CALB2: variants seen among roughly 807,000 people sequenced by gnomAD.
The protein encoded by CALB2 is calretinin.
Under a neutral mutation model 45.9 loss-of-function variants are expected in CALB2, and 34 were observed. The observed-to-expected ratio is 0.74, with a 90% confidence interval of 0.56 to 0.99. The LOEUF (loss-of-function observed/expected upper bound fraction) is 0.99, where lower values mean the gene tolerates loss of function less well. CALB2 is among the 50% of genes least tolerant of loss of function. The pLI, the probability that CALB2 is intolerant of heterozygous loss-of-function variation, is 0.00. For missense variants in CALB2, 344 were observed against 339.3 expected (o/e 1.01, Z -0.11); for synonymous variants, 142 against 129.6 (o/e 1.10, Z -0.65).
intron 4 of CALB2, among the ~76,000 whole-genome samples, chr16:71,379,271 T>TAATAAATAAATA (rs71153630): frequency 4.8e-5 from 7 of 145,494 alleles, no homozygotes; most frequent in African/African-American, 1.0e-4. Context: ...AGACTCTGTC[T>TAATAAATAAATA]AATAAATAAA....
intron 4 of CALB2, among the ~76,000 whole-genome samples, chr16:71,379,580 C>T (rs4630548): frequency 0.36 from 55,326 of 152,076 alleles, 10,575 homozygotes; most frequent in Admixed American, 0.5. Context: ...GCATATGCAT[C>T]CCTCAGAGTG....
chr16:71,371,763 C>A (rs1287099405), intron 1 of CALB2, among the ~76,000 whole-genome samples: 2 of 152,142 alleles, frequency 1.3e-5, no homozygotes, highest in Non-Finnish European at 2.9e-5. Context: ...GCACTCCAAC[C>A]CGCTACACCT....
intron 4 of CALB2, among the ~76,000 whole-genome samples, chr16:71,382,289 T>G (rs1031362512): frequency 2.6e-5 from 4 of 152,208 alleles, no homozygotes; most frequent in Non-Finnish European, 5.9e-5. Flanking sequence ...TCCCCTCCCC[T>G]GCACCACTGC....
intron 1 of CALB2, among the ~76,000 whole-genome samples, chr16:71,369,573 C>A (rs532340889): frequency 1.3e-5 from 2 of 152,182 alleles, no homozygotes; most frequent in African/African-American, 4.8e-5. Flanking sequence ...CAGCCACCTC[C>A]CGATACACTC....
chr16:71,381,212 GAA>G (rs2042487698), intron 4 of CALB2, among the ~76,000 whole-genome samples: 1 of 152,208 alleles, frequency 6.6e-6, no homozygotes, highest in Non-Finnish European at 1.5e-5. Flanking sequence ...AGTTGTTGGT[GAA>G]GTCATATTTG....
chr16:71,388,786 G>C (rs1182244254), intron 10 of CALB2, among the ~76,000 whole-genome samples: 1 of 150,414 alleles, frequency 6.6e-6, no homozygotes, highest in Non-Finnish European at 1.5e-5. Context: ...TTCGAAACCA[G>C]CCTGGCCAAC....
In CALB2 at chr16:71,377,647, C is replaced by T. The variant is rs762996634; in HGVS notation, c.262-20C>T. ...TCAAGTCCCTCCATAACGTTAGTGT[C>T]GCTCTCTGTATCTTCACAGCTGGCG... On this transcript the variant is annotated intron_variant, in intron 3 of 10. Transcript: ENST00000302628. 42 of 1,588,256 alleles carry T rather than the reference C, an allele frequency of 2.6e-5. No individual in the cohort carries two copies. Among genetic ancestry groups the T allele is most frequent in the Non-Finnish European group, 3.3e-5 (38 of 1,157,210 alleles).
chr16:71,366,804 C>G (rs1340381926), intron 1 of CALB2, among the ~76,000 whole-genome samples: 1 of 152,172 alleles, frequency 6.6e-6, no homozygotes, highest in Admixed American at 6.5e-5. Context: ...CACAACATTA[C>G]CTTGTACAGC....
In CALB2 at chr16:71,383,382, C is replaced by A; in HGVS notation, c.415C>A (p.Leu139Met). ...TGTGTTGCAGGGATTCCTGTCAGAC[C>A]TGCTGAAGAAGGCGAACCGGCCGTA... is the stretch of plus-strand genomic sequence containing the variant. ...ANELKGFLSD[L>M]LKKANRPYDE... is the part of the protein sequence containing the mutation. The change falls in exon 6 of 11, where the codon CTG becomes ATG. Residue 139 changes from leucine (L) to methionine (M), a missense_variant. Leu to Met is a conservative substitution (Grantham distance 15). Coordinates refer to ENST00000302628, the MANE Select transcript of CALB2 (RefSeq NM_001740.5). 1 of 1,614,130 alleles carries A rather than the reference C, an allele frequency of 6.2e-7. No individual in the cohort carries two copies. The highest frequency in any genetic ancestry group is 8.5e-7 in the Non-Finnish European group (1 of 1,180,002).
intron 10 of CALB2, among the ~76,000 whole-genome samples, chr16:71,388,864 G>T (rs2042602827): frequency 6.6e-6 from 1 of 151,890 alleles, no homozygotes; most frequent in Admixed American, 6.6e-5. Context: ...ATAGTGACAG[G>T]TGCCTGTAAT....
intron 10 of CALB2, among the ~76,000 whole-genome samples, chr16:71,386,436 C>T (rs1364855786): frequency 6.6e-6 from 1 of 152,196 alleles, no homozygotes; most frequent in African/African-American, 2.4e-5. Flanking sequence ...ACTGCAGAAT[C>T]GGGAGCTGGG....
At chr16:71,366,020 C>CTTTTTTTTTT (rs2042281945) in intron 1 of CALB2, among the ~76,000 whole-genome samples, 36 of 28,846 alleles carry the variant, frequency 1.2e-3, no homozygotes, top group Admixed American at 3.4e-3. Context: ...TTCCCTCTCT[C>CTTTTTTTTTT]TCTCTTTTTT....
intron 2 of CALB2, among the ~76,000 whole-genome samples, chr16:71,372,621 A>G (rs768885635): frequency 6.6e-6 from 1 of 152,158 alleles, no homozygotes. Flanking sequence ...ATTCTAGACC[A>G]GAGTTTCTCA....
At chr16:71,372,289 C>A in intron 2 of CALB2, 60 bp downstream of exon 2, 2 of 1,237,926 alleles carry the variant, frequency 1.6e-6, no homozygotes, top group Non-Finnish European at 2.3e-6. Flanking sequence ...TTTGAGCATG[C>A]TGTGTCCCAG....
chr16:71,371,853 G>A (rs1371528585), intron 1 of CALB2, among the ~76,000 whole-genome samples: 3 of 152,134 alleles, frequency 2.0e-5, no homozygotes, highest in South Asian at 2.1e-4. Context: ...CTGCCACCTC[G>A]TGCTTGCCCA....
chr16:71,364,671 G>A (rs2042264642), intron 1 of CALB2, among the ~76,000 whole-genome samples: 1 of 152,188 alleles, frequency 6.6e-6, no homozygotes, highest in Non-Finnish European at 1.5e-5. Flanking sequence ...GATGTCCACA[G>A]GTTCAGGGGA....
At chr16:71,389,591 C>T in intron 10 of CALB2, 158 bp from the exon 11 acceptor site, 2 of 758,690 alleles carry the variant, frequency 2.6e-6, no homozygotes, top group Admixed American at 1.7e-5. Context: ...CTCCATCTGT[C>T]TGACTCCAAA....
intron 4 of CALB2, among the ~76,000 whole-genome samples, chr16:71,379,024 C>T (rs985727765): frequency 6.6e-6 from 1 of 152,150 alleles, no homozygotes; most frequent in Non-Finnish European, 1.5e-5. Context: ...TGCCTGTAAT[C>T]CCAGCACTTT....
intron 1 of CALB2, among the ~76,000 whole-genome samples, chr16:71,368,857 G>T (rs2042315228): frequency 6.6e-6 from 1 of 152,164 alleles, no homozygotes; most frequent in Non-Finnish European, 1.5e-5. Flanking sequence ...CTTTCCTGCT[G>T]GGCGAGGCAC....
Sources: gnomAD v4.1 joint callset for allele counts (sites outside exome capture counted in the v4.1 genomes callset) on GRCh38, gnomAD v4.1.1 for gene constraint, MANE v1.5 for transcripts, NCBI Gene and HGNC (gene_info 2026-07-23, HGNC 2026-07-21) for gene names.